The following ZNF143 variants were observed in gnomAD, a reference collection of about 807,000 sequenced individuals.
The protein encoded by ZNF143 is zinc finger protein 143.
A neutral mutation model predicts 74.1 loss-of-function variants in ZNF143; 49 were observed. That is an observed-to-expected ratio of 0.66 (90% CI 0.53 to 0.84). The LOEUF is 0.84. Among genes scored for constraint, ZNF143 ranks in the 40% least tolerant of loss-of-function variants. The pLI is 0.00. For synonymous variants in ZNF143, 304 were observed against 282.8 expected (o/e 1.07, Z -0.75); for missense variants, 637 against 793.4 (o/e 0.80, Z 2.37).
chr11:9,508,037 G>A (rs924191333), intron 11 of ZNF143, among the ~76,000 whole-genome samples: 1 of 152,146 alleles, frequency 6.6e-6, no homozygotes, highest in African/African-American at 2.4e-5. Context: ...GCTGTTTCAT[G>A]GGACAAAAAT....
At chr11:9,474,884 T>A (rs1283545258) in intron 5 of ZNF143, among the ~76,000 whole-genome samples, 3 of 152,210 alleles carry the variant, frequency 2.0e-5, no homozygotes, top group African/African-American at 7.2e-5. Flanking sequence ...ACATTTTGTT[T>A]TTTTGGTTGG....
At chr11:9,488,657 T>C (rs2134003525) in intron 7 of ZNF143, among the ~76,000 whole-genome samples, 1 of 152,338 alleles carries the variant, frequency 6.6e-6, no homozygotes, top group East Asian at 1.9e-4. Flanking sequence ...TATTCTATTA[T>C]AATCCTTCAT....
intron 1 of ZNF143, 108 bp from the exon 2 acceptor site, chr11:9,471,194 C>A: frequency 1.1e-6 from 1 of 882,266 alleles, no homozygotes; most frequent in Non-Finnish European, 1.7e-6. Flanking sequence ...ATCTTATTTC[C>A]AACACCATTA....
intron 1 of ZNF143, among the ~76,000 whole-genome samples, chr11:9,464,651 A>C (rs1856087430): frequency 6.7e-6 from 1 of 150,358 alleles, no homozygotes; most frequent in Non-Finnish European, 1.5e-5. Context: ...TAATAAGAAT[A>C]ATGCTCACGC....
intron 5 of ZNF143, among the ~76,000 whole-genome samples, chr11:9,477,687 T>G (rs1489913759): frequency 6.6e-6 from 1 of 152,192 alleles, no homozygotes; most frequent in African/African-American, 2.4e-5. Context: ...GATATAGATA[T>G]ATCTTAGTGT....
At chr11:9,493,696 C>T (rs1847862331) in intron 7 of ZNF143, among the ~76,000 whole-genome samples, 1 of 152,108 alleles carries the variant, frequency 6.6e-6, no homozygotes, top group Non-Finnish European at 1.5e-5. Flanking sequence ...AATTATATGC[C>T]ATGTGTGACA....
intron 7 of ZNF143, among the ~76,000 whole-genome samples, chr11:9,484,623 AT>A (rs1847386213): frequency 9.4e-6 from 1 of 106,904 alleles, no homozygotes; most frequent in South Asian, 2.9e-4. Context: ...TTTTTTGTTT[AT>A]TTTTTGTTTT....
intron 2 of ZNF143, among the ~76,000 whole-genome samples, chr11:9,472,390 C>A (rs1590507580): frequency 6.6e-6 from 1 of 152,194 alleles, no homozygotes; most frequent in East Asian, 1.9e-4. Context: ...GTAGCTGGGA[C>A]TACAAGGTGC....
At chr11:9,467,152 AAAG>A (rs111579510) in intron 1 of ZNF143, among the ~76,000 whole-genome samples, 4 of 152,058 alleles carry the variant, frequency 2.6e-5, no homozygotes, top group African/African-American at 9.6e-5. Flanking sequence ...TTGGCCTCCC[AAAG>A]TGCTGGGATT....
At chr11:9,525,182 C>G (rs1849080286) in intron 14 of ZNF143, 58 bp from the exon 15 acceptor site, 1 of 1,595,170 alleles carries the variant, frequency 6.3e-7, no homozygotes, top group East Asian at 2.2e-5. Flanking sequence ...TGGACTTTAA[C>G]CTATTTAAAT....
At chr11:9,512,325 G>A (rs892890052) in intron 12 of ZNF143, 123 bp from the exon 13 acceptor site, 29 of 1,280,224 alleles carry the variant, frequency 2.3e-5, no homozygotes, top group Admixed American at 4.8e-5. Context: ...AGCCATTTTC[G>A]TGACTTAGAA....
chr11:9,461,342 C>T (rs1252004484), intron 1 of ZNF143, among the ~76,000 whole-genome samples: 9 of 152,224 alleles, frequency 5.9e-5, no homozygotes, highest in Non-Finnish European at 1.2e-4. Context: ...CTGAGCGATG[C>T]GCCCCGCCTG....
At chr11:9,512,156 A>G (rs1848573533) in intron 12 of ZNF143, among the ~76,000 whole-genome samples, 1 of 152,174 alleles carries the variant, frequency 6.6e-6, no homozygotes, top group Admixed American at 6.6e-5. Context: ...CCCCTAATAC[A>G]CATATAGTAT....
intron 11 of ZNF143, among the ~76,000 whole-genome samples, chr11:9,508,063 C>G (rs1312916881): frequency 6.6e-6 from 1 of 152,108 alleles, no homozygotes; most frequent in Non-Finnish European, 1.5e-5. Flanking sequence ...TATTTACTTC[C>G]CTATGTATTG....
intron 2 of ZNF143, among the ~76,000 whole-genome samples, chr11:9,472,035 C>T (rs1368640185): frequency 2.7e-5 from 4 of 148,132 alleles, no homozygotes; most frequent in Non-Finnish European, 5.9e-5. Context: ...CTTAAGACAT[C>T]CTGTCACCTC....
At chr11:9,511,955 G>A (rs1848566102) in intron 12 of ZNF143, among the ~76,000 whole-genome samples, 1 of 150,820 alleles carries the variant, frequency 6.6e-6, no homozygotes, top group Non-Finnish European at 1.5e-5. Flanking sequence ...GTTTCACTGT[G>A]TTAGCCAGGA....
chr11:9,527,588 G>A lies in ZNF143; in HGVS notation c.1892G>A (p.Gly631Glu). 1.2e-6 allele frequency: 2 copies of A among 1,613,922 alleles called. No homozygotes were observed. The highest frequency in any genetic ancestry group is 1.7e-6 in the Non-Finnish European group (2 of 1,179,926). Residue 631 changes from glycine to glutamate, a missense_variant, in exon 16 of 16, where the codon GGA becomes GAA. By Grantham distance (98) the Gly-to-Glu change is moderately conservative. Coordinates refer to ENST00000396602, the MANE Select transcript of ZNF143 (RefSeq NM_003442.6). Reference protein sequence around the residue: ...AIRIASRIQQGETPGLDD With the variant: ...AIRIASRIQQEETPGLDD Reference sequence around the variant, plus strand: ...AGAATAGCGTCTAGAATCCAACAAGGAGAAACGCCAGGGTTGGATGATTAA... The same window carrying A: ...AGAATAGCGTCTAGAATCCAACAAGAAGAAACGCCAGGGTTGGATGATTAA...
intron 7 of ZNF143, among the ~76,000 whole-genome samples, chr11:9,485,694 A>C (rs1450888117): frequency 2.6e-5 from 4 of 151,464 alleles, no homozygotes; most frequent in African/African-American, 9.8e-5. Context: ...TGGTTCTTTA[A>C]AAATTCCTCT....
In ZNF143 at chr11:9,512,507, G is replaced by A; in HGVS notation, c.1435G>A (p.Asp479Asn). 5 of 1,614,204 alleles carry A rather than the reference G, an allele frequency of 3.1e-6. No homozygotes were observed. Among genetic ancestry groups the A allele is most frequent in the Non-Finnish European group, 4.2e-6 (5 of 1,180,032 alleles). ...TACGTATGTTACAGGTGTAGAAGGGGACGACGTTGTTTCTACACAAGTAGC... is the reference window on the plus strand; with the variant it reads ...TACGTATGTTACAGGTGTAGAAGGGAACGACGTTGTTTCTACACAAGTAGC... ...QITYVTGVEG[D>N]DVVSTQVATV... is the part of the protein sequence containing the mutation. Residue 479 changes from aspartate (D) to asparagine (N), a missense_variant, in exon 13 of 16, where the codon GAC (aspartate) becomes AAC (asparagine). Around this residue, in one of 2 missense-constraint regions of ZNF143, gnomAD observed 344 missense variants for 485.6 expected, o/e 0.71. Coordinates refer to ENST00000396602, the MANE Select transcript of ZNF143 (RefSeq NM_003442.6).
Sources: gnomAD v4.1 joint callset for allele counts (sites outside exome capture counted in the v4.1 genomes callset) on GRCh38, gnomAD v4.1.1 for gene constraint, gnomAD v4.1.1 regional missense constraint, MANE v1.5 for transcripts, NCBI Gene and HGNC (gene_info 2026-07-23, HGNC 2026-07-21) for gene names.